IRF2BP1: variants seen among roughly 807,000 people sequenced by gnomAD.
The protein encoded by IRF2BP1 is interferon regulatory factor 2 binding protein 1.
A neutral mutation model predicts 38.6 loss-of-function variants in IRF2BP1; 9 were observed. That is an observed-to-expected ratio of 0.23 (90% confidence interval 0.14 to 0.41). IRF2BP1 has a LOEUF of 0.41. Among genes scored for constraint, IRF2BP1 ranks in the 10% least tolerant of loss-of-function variants. The pLI, the probability that IRF2BP1 is intolerant of heterozygous loss-of-function variation, is 1.00. For missense variants in IRF2BP1, 631 were observed against 829.6 expected (o/e 0.76, Z 2.94); for synonymous variants, 416 against 383.4 (o/e 1.08, Z -0.99).
chr19:45,885,167 C>T lies in IRF2BP1; in HGVS notation c.608G>A (p.Arg203Lys), dbSNP rs1967038376. ...CAGTTCTGCCAGACAGTCCGCATTC[C>T]TCTGCTGCTTCTCTTTCTCGAAATC... is the stretch of plus-strand genomic sequence containing the variant. ...GSDFEKEKQQ[R>K]NADCLAELNE... Residue 203 changes from arginine to lysine, a missense_variant, in exon 1 of 1, where the codon AGG (arginine) becomes AAG (lysine). Transcript: ENST00000302165. 1 of 1,610,394 alleles carries T rather than the reference C, an allele frequency of 6.2e-7. No homozygotes were observed. Among genetic ancestry groups the T allele is most frequent in the Non-Finnish European group, 8.5e-7 (1 of 1,180,028 alleles).
Position 45,883,836 on chromosome 19 carries a change from A to G in IRF2BP1, c.*184T>C. 1 of 538,036 alleles carries G rather than the reference A, an allele frequency of 1.9e-6. No individual in the cohort carries two copies. The highest frequency in any genetic ancestry group is 3.2e-5 in the South Asian group (1 of 31,648). The allele number at this position is 538,036 out of a possible 1,614,324, so 33.3% of individuals were successfully genotyped here. On this transcript the variant is annotated 3_prime_UTR_variant, in exon 1 of 1. Coordinates refer to ENST00000302165, the MANE Select transcript of IRF2BP1 (RefSeq NM_015649.3). ...AGGGACCCCAAACACCCCCTCGGAC[A>G]GGAGCCACAAGCTTTCTCCCCCCAC...
chr19:45,885,627 C>G lies in IRF2BP1; in HGVS notation c.148G>C (p.Asp50His), dbSNP rs1967046222. 6.4e-7 allele frequency: 1 copy of G among 1,551,502 alleles called. No homozygotes were observed. The highest frequency in any genetic ancestry group is 8.6e-7 in the Non-Finnish European group (1 of 1,160,648). ...CTGCGCTTGAGCTGGCGGGCGGCATCGATGAGCAGTTCGATGCGGTCCGCG... is the reference window on the plus strand; with the variant it reads ...CTGCGCTTGAGCTGGCGGGCGGCATGGATGAGCAGTTCGATGCGGTCCGCG... ...EGADRIELLI[D>H]AARQLKRSHV... The change falls in exon 1 of 1, where the codon GAT (aspartate) becomes CAT (histidine). Residue 50 changes from aspartate to histidine, a missense_variant. By Grantham distance (81) the Asp-to-His change is moderately conservative. Coordinates refer to ENST00000302165, the MANE Select transcript of IRF2BP1 (RefSeq NM_015649.3).
Position 45,884,052 on chromosome 19 carries a change from C to T in IRF2BP1, c.1723G>A (p.Asp575Asn). Residue 575 changes from aspartate (D) to asparagine (N), a missense_variant, in exon 1 of 1, where the codon GAC (aspartate) becomes AAC (asparagine). Physicochemically the swap from Asp to Asn is conservative, Grantham distance 23. Transcript: ENST00000302165. ...TCCCGTTCTTTCTTAACTTTGATGT[C>T]TCCAGCAAGGATGGTGGCGATCTCG... ...QGEIATILAG[D>N]IKVKKERDP 1.3e-6 allele frequency: 2 copies of T among 1,596,392 alleles called. No homozygotes were observed. The highest frequency in any genetic ancestry group is 1.7e-6 in the Non-Finnish European group (2 of 1,169,038).
chr19:45,883,773 G>C lies in IRF2BP1; in HGVS notation c.*247C>G. ...TCCCCCAACTACAAGCAGCAGCAAA[G>C]CCAAGCCAAGGAGGACAGAGGGAAA... On this transcript the variant is annotated 3_prime_UTR_variant, in exon 1 of 1. Coordinates refer to ENST00000302165, the MANE Select transcript of IRF2BP1 (RefSeq NM_015649.3). 1 of 404,690 alleles carries C rather than the reference G, an allele frequency of 2.5e-6. No homozygotes were observed. Among genetic ancestry groups the C allele is most frequent in the Non-Finnish European group, 4.4e-6 (1 of 226,938 alleles). 25.1% of individuals were successfully genotyped at this position (404,690 alleles called of 1,614,324 possible).
In IRF2BP1 at chr19:45,884,471, T is replaced by C; in HGVS notation, c.1304A>G (p.His435Arg). 1 of 1,599,642 alleles carries C rather than the reference T, an allele frequency of 6.3e-7. No homozygotes were observed. The highest frequency in any genetic ancestry group is 2.2e-5 in the East Asian group (1 of 44,798). The change falls in exon 1 of 1, where the codon CAC becomes CGC. Residue 435 changes from histidine to arginine, a missense_variant. Physicochemically the swap from His to Arg is conservative, Grantham distance 29. Transcript: ENST00000302165. Reference sequence around the variant, plus strand: ...GCCTCCGCCAGGGTCCTTGGGTGAGTGGCCCAGGGCTTCGGCCACATTCTT... The same window carrying C: ...GCCTCCGCCAGGGTCCTTGGGTGAGCGGCCCAGGGCTTCGGCCACATTCTT... Reference protein sequence around the residue: ...ALKNVAEALGHSPKDPGGGGG... With the variant: ...ALKNVAEALGRSPKDPGGGGG...
At position 45,884,322 on chromosome 19, in the gene IRF2BP1, C is replaced by T. The variant is rs1052400620; in HGVS notation, c.1453G>A (p.Ala485Thr). Residue 485 changes from alanine to threonine, a missense_variant, in exon 1 of 1, where the codon GCT (alanine) becomes ACT (threonine). Around this residue, in one of 5 missense-constraint regions of IRF2BP1, gnomAD observed 201 missense variants for 215.3 expected, o/e 0.93. Transcript: ENST00000302165. The stretch of plus-strand genomic sequence containing the variant: ...GTGCCGCTGCCACCCCCGCTGACAG[C>T]TTCGGCCCCCGCTGTGGGACTGACT... ...AEVSPTAGAE[A>T]VSGGGSGTGA... 2.5e-6 allele frequency: 4 copies of T among 1,610,102 alleles called. No individual in the cohort carries two copies. The highest frequency in any genetic ancestry group is 1.3e-5 in the African/African-American group (1 of 74,902).
At position 45,884,367 on chromosome 19, in the gene IRF2BP1, C is replaced by T. The variant is rs1233108293; in HGVS notation, c.1408G>A (p.Ala470Thr). Residue 470 changes from alanine to threonine, a missense_variant, in exon 1 of 1, where the codon GCC (alanine) becomes ACC (threonine). Physicochemically the swap from Ala to Thr is moderately conservative, Grantham distance 58. This residue lies in a region of IRF2BP1 where 201 missense variants were observed against 215.3 expected (regional missense o/e 0.93). Coordinates refer to ENST00000302165, the MANE Select transcript of IRF2BP1 (RefSeq NM_015649.3). ...CTGACTTCTGCTTCGCCGTTGCGGG[C>T]CACAAGGCGATGCTGGGTTGGCGGC... Reference protein sequence around the residue: ...AQPPTQHRLVARNGEAEVSPT... With the variant: ...AQPPTQHRLVTRNGEAEVSPT... 3.1e-6 allele frequency: 5 copies of T among 1,607,140 alleles called. No homozygotes were observed. The East Asian group carries it at 8.9e-5, about 29-fold the overall frequency.
In IRF2BP1 at chr19:45,884,814, G is replaced by T; in HGVS notation, c.961C>A (p.Arg321=). The change falls in exon 1 of 1, where the codon CGG becomes AGG. Residue 321 remains arginine (R), a synonymous_variant. Transcript: ENST00000302165. ...SGFKYLEYER[R]HGSGEWRQLG... ...TGCCGCCATTCTCCTGATCCATGCCGGCGTTCATATTCGAGGTACTTGAAG... is the reference window on the plus strand; with the variant it reads ...TGCCGCCATTCTCCTGATCCATGCCTGCGTTCATATTCGAGGTACTTGAAG... 1 of 1,612,874 alleles carries T rather than the reference G, an allele frequency of 6.2e-7. No individual in the cohort carries two copies. The highest frequency in any genetic ancestry group is 8.5e-7 in the Non-Finnish European group (1 of 1,180,020).
In IRF2BP1 at chr19:45,885,721, G is replaced by T; in HGVS notation, c.54C>A (p.Pro18=). The change falls in exon 1 of 1, where the codon CCC becomes CCA. Residue 18 remains proline (P), a synonymous_variant. Transcript: ENST00000302165. ...RRQWCYLCDL[P]KMPWAMVWDF... is the part of the protein sequence containing the mutation. Reference sequence around the variant, plus strand: ...CCCACACCATGGCCCACGGCATCTTGGGCAGGTCGCACAGGTAGCACCACT... The same window carrying T: ...CCCACACCATGGCCCACGGCATCTTTGGCAGGTCGCACAGGTAGCACCACT... 6.3e-7 allele frequency: 1 copy of T among 1,585,284 alleles called. No homozygotes were observed. Among genetic ancestry groups the T allele is most frequent in the Non-Finnish European group, 8.5e-7 (1 of 1,174,290 alleles).
Position 45,885,388 on chromosome 19 carries a change from C to G in IRF2BP1, c.387G>C (p.Glu129Asp). 1 of 1,605,018 alleles carries G rather than the reference C, an allele frequency of 6.2e-7. No individual in the cohort carries two copies. Among genetic ancestry groups the G allele is most frequent in the Non-Finnish European group, 8.5e-7 (1 of 1,176,752 alleles). ...TGGCCAGGCGGGACCCCAGAGTGTA[C>G]TCCAGGGCGGGCGAGGGCAGGGGGA... is the stretch of plus-strand genomic sequence containing the variant. ...GRLPLPSPALEYTLGSRLANG... is the reference protein window; with the variant it reads ...GRLPLPSPALDYTLGSRLANG... The change falls in exon 1 of 1, where the codon GAG becomes GAC. Residue 129 changes from glutamate to aspartate, a missense_variant. Glu to Asp is a conservative substitution (Grantham distance 45). This residue lies in a region of IRF2BP1 where 206 missense variants were observed against 207.0 expected (regional missense o/e 1.00). Coordinates refer to ENST00000302165, the MANE Select transcript of IRF2BP1 (RefSeq NM_015649.3).
chr19:45,884,349 C>T lies in IRF2BP1; in HGVS notation c.1426G>A (p.Glu476Lys). 1.2e-6 allele frequency: 2 copies of T among 1,609,158 alleles called. No homozygotes were observed. Among genetic ancestry groups the T allele is most frequent in the Non-Finnish European group, 1.7e-6 (2 of 1,179,228 alleles). The change falls in exon 1 of 1, where the codon GAA becomes AAA. Residue 476 changes from glutamate (E) to lysine (K), a missense_variant. Glu to Lys is a moderately conservative substitution (Grantham distance 56). Around this residue, in one of 5 missense-constraint regions of IRF2BP1, gnomAD observed 201 missense variants for 215.3 expected, o/e 0.93. Coordinates refer to ENST00000302165, the MANE Select transcript of IRF2BP1 (RefSeq NM_015649.3). ...TCGGCCCCCGCTGTGGGACTGACTT[C>T]TGCTTCGCCGTTGCGGGCCACAAGG... ...HRLVARNGEA[E>K]VSPTAGAEAV...
chr19:45,883,898 G>A lies in IRF2BP1; in HGVS notation c.*122C>T, dbSNP rs1967020267. Reference sequence around the variant, plus strand: ...CTACCCCAGGGGACCCATCTGGGTGGAAGAAGGGAGTATGTACACAGATAG... The same window carrying A: ...CTACCCCAGGGGACCCATCTGGGTGAAAGAAGGGAGTATGTACACAGATAG... On this transcript the variant is annotated 3_prime_UTR_variant, in exon 1 of 1. Transcript: ENST00000302165. 2 of 958,914 alleles carry A rather than the reference G, an allele frequency of 2.1e-6. No homozygotes were observed. Among genetic ancestry groups the A allele is most frequent in the African/African-American group, 3.3e-5 (2 of 60,022 alleles). 59.4% of individuals were successfully genotyped at this position (958,914 alleles called of 1,614,324 possible). A position where few individuals can be genotyped will look rare whatever the true frequency, so the allele number is the denominator to read the frequency against.
rs1355795149 is a variant in IRF2BP1 at position 45,885,620 on chromosome 19, G to A, written c.155C>T (p.Ala52Val). ...ADRIELLIDA[A>V]RQLKRSHVLP... is the part of the protein sequence containing the mutation. ...CACGTGGCTGCGCTTGAGCTGGCGG[G>A]CGGCATCGATGAGCAGTTCGATGCG... The change falls in exon 1 of 1, where the codon GCC becomes GTC. Residue 52 changes from alanine to valine, a missense_variant. Physicochemically the swap from Ala to Val is moderately conservative, Grantham distance 64. This residue lies in a region of IRF2BP1 where 206 missense variants were observed against 207.0 expected (regional missense o/e 1.00). Transcript: ENST00000302165. 1.3e-6 allele frequency: 2 copies of A among 1,545,928 alleles called. No homozygotes were observed. Among genetic ancestry groups the A allele is most frequent in the Middle Eastern group, 1.8e-4 (1 of 5,706 alleles).
In IRF2BP1 at chr19:45,884,553, G is replaced by T; in HGVS notation, c.1222C>A (p.Pro408Thr). Residue 408 changes from proline (P) to threonine (T), a missense_variant, in exon 1 of 1, where the codon CCC becomes ACC. Coordinates refer to ENST00000302165, the MANE Select transcript of IRF2BP1 (RefSeq NM_015649.3). ...EEQQQRHWVA[P>T]GGPYSAETPG... ...GTCTCAGCGGAGTACGGGCCGCCGGGTGCCACCCAGTGCCGTTGCTGCTGC... is the reference window on the plus strand; with the variant it reads ...GTCTCAGCGGAGTACGGGCCGCCGGTTGCCACCCAGTGCCGTTGCTGCTGC... The T allele has an allele frequency of 1.3e-6, 2 of 1,599,580 alleles. No homozygotes were observed. Among genetic ancestry groups the T allele is most frequent in the Non-Finnish European group, 8.5e-7 (1 of 1,179,438 alleles).
In IRF2BP1 at chr19:45,885,859, C is replaced by G. The variant is rs1451919829; in HGVS notation, c.-85G>C. The G allele has an allele frequency of 1.4e-6, 2 of 1,380,400 alleles. No individual in the cohort carries two copies. The highest frequency in any genetic ancestry group is 1.9e-6 in the Non-Finnish European group (2 of 1,067,252). 85.5% of individuals were successfully genotyped at this position (1,380,400 alleles called of 1,614,324 possible). ...CGCCGCCAACGTTCGATCCGCGTCC[C>G]GGGGACAGCGCGAGCCACGGTCCGG... On this transcript the variant is annotated 5_prime_UTR_variant, in exon 1 of 1. Coordinates refer to ENST00000302165, the MANE Select transcript of IRF2BP1 (RefSeq NM_015649.3).
chr19:45,885,843 C>A lies in IRF2BP1; in HGVS notation c.-69G>T. 3 of 1,426,328 alleles carry A rather than the reference C, an allele frequency of 2.1e-6. No individual in the cohort carries two copies. Among genetic ancestry groups the A allele is most frequent in the Admixed American group, 2.8e-5 (1 of 35,582 alleles). 88.4% of individuals were successfully genotyped at this position (1,426,328 alleles called of 1,614,324 possible). ...GCCGACGTGCGATCCGCGCCGCCAA[C>A]GTTCGATCCGCGTCCCGGGGACAGC... is the stretch of plus-strand genomic sequence containing the variant. On this transcript the variant is annotated 5_prime_UTR_variant, in exon 1 of 1. Coordinates refer to ENST00000302165, the MANE Select transcript of IRF2BP1 (RefSeq NM_015649.3).
Position 45,885,496 on chromosome 19 carries a change from CG to C in IRF2BP1, c.278del (p.Pro93ArgfsTer69). 2.8e-6 allele frequency: 4 copies of C among 1,441,816 alleles called. No individual in the cohort carries two copies. The highest frequency in any genetic ancestry group is 9.0e-7 in the Non-Finnish European group (1 of 1,105,206). The allele number at this position is 1,441,816 out of a possible 1,614,324, so 89.3% of individuals were successfully genotyped here. ...TCCCTGACGGCTGGGGCTGGGCCTG[CG>C]GGGGCGGCAGCTGGGGCCCCTGTGC... ...AAAQGPQLPP[P>X]QAQPQPSGTG... On this transcript the variant is annotated frameshift_variant, in exon 1 of 1. Coordinates refer to ENST00000302165, the MANE Select transcript of IRF2BP1 (RefSeq NM_015649.3). LOFTEE classifies it high-confidence loss of function.
Position 45,885,340 on chromosome 19 carries a change from G to C in IRF2BP1, c.435C>G (p.Ala145=). The change falls in exon 1 of 1, where the codon GCC becomes GCG. Residue 145 remains alanine (A), a synonymous_variant. Coordinates refer to ENST00000302165, the MANE Select transcript of IRF2BP1 (RefSeq NM_015649.3). ...RLANGLGREE[A]VAEGARRALL... ...AGGCCCTTCGCGCCCCCTCAGCCAC[G>C]GCCTCCTCACGGCCCAGCCCATTGG... 1.9e-6 allele frequency: 3 copies of C among 1,607,698 alleles called. No individual in the cohort carries two copies. Among genetic ancestry groups the C allele is most frequent in the Non-Finnish European group, 2.5e-6 (3 of 1,179,726 alleles).
In IRF2BP1 at chr19:45,884,280, C is replaced by G. The variant is rs199578484; in HGVS notation, c.1495G>C (p.Ala499Pro). 30 of 1,609,030 alleles carry G rather than the reference C, an allele frequency of 1.9e-5. No homozygotes were observed. The highest frequency in any genetic ancestry group is 5.0e-5 in the Admixed American group (3 of 59,630). ...CTGCACAGGGTACAGCACAGGGGGG[C>G]CCCAGGGGTCGCCCCAGTGCCGCTG... The part of the protein sequence containing the change: ...GGSGTGATPG[A>P]PLCCTLCRER... The change falls in exon 1 of 1, where the codon GCC (alanine) becomes CCC (proline). Residue 499 changes from alanine to proline, a missense_variant. This residue lies in a region of IRF2BP1 where 201 missense variants were observed against 215.3 expected (regional missense o/e 0.93). Transcript: ENST00000302165.
Sources: allele counts gnomAD v4.1 joint callset, GRCh38; gene constraint gnomAD v4.1.1; regional missense constraint gnomAD v4.1.1; transcripts MANE v1.5; gene names NCBI Gene and HGNC (gene_info 2026-07-23, HGNC 2026-07-21).